The following FGD4 variants were observed in gnomAD, a reference collection of about 807,000 sequenced individuals.
The protein encoded by FGD4 is FYVE, RhoGEF and PH domain-containing protein 4.
Under a neutral mutation model 102.0 loss-of-function variants are expected in FGD4, and 42 were observed. That is an observed-to-expected ratio of 0.41 (90% CI 0.32 to 0.53). FGD4 has a LOEUF of 0.53. Ranked by LOEUF, FGD4 falls within the 20% of genes least tolerant of loss-of-function variation. FGD4 has a pLI of 0.21. For synonymous variants in FGD4, 380 were observed against 375.7 expected, an observed-to-expected ratio of 1.01 and a Z score of -0.13; for missense variants, 902 against 1,078.2, an observed-to-expected ratio of 0.84 and a Z score of 2.29.
At position 32,641,552 on chromosome 12, in the gene FGD4, A is replaced by G. The variant is rs1327707382; in HGVS notation, c.*1019A>G. On this transcript the variant is annotated 3_prime_UTR_variant, in exon 17 of 17. Coordinates refer to ENST00000534526, the MANE Select transcript of FGD4 (RefSeq NM_001370298.3). Reference sequence around the variant, plus strand: ...AGGTTATTTTACCGTTTACAATCCTATAATTATTGCAGTAGTTAACATCAG... The same window carrying G: ...AGGTTATTTTACCGTTTACAATCCTGTAATTATTGCAGTAGTTAACATCAG... 4 of 152,184 alleles carry G rather than the reference A, an allele frequency of 2.6e-5. No individual in the cohort carries two copies. Among genetic ancestry groups the G allele is most frequent in the Non-Finnish European group, 5.9e-5 (4 of 68,014 alleles). 9.4% of individuals were successfully genotyped at this position (152,184 alleles called of 1,614,324 possible). A position where few individuals can be genotyped will look rare whatever the true frequency, so the allele number is the denominator to read the frequency against.
chr12:32,585,616 C>G (rs1946961906), intron 4 of FGD4, among the ~76,000 whole-genome samples: 1 of 151,894 alleles, frequency 6.6e-6, no homozygotes, highest in African/African-American at 2.4e-5. Flanking sequence ...CAGAGGATCT[C>G]TCGAGTCCAG....
chr12:32,555,446 G>A (rs564760647), intron 1 of FGD4, among the ~76,000 whole-genome samples: 26 of 152,176 alleles, frequency 1.7e-4, no homozygotes, highest in South Asian at 6.2e-4. Context: ...GAGGTCTGCA[G>A]TAGAGATTTA....
At chr12:32,400,132 C>T (rs906018180) in intron 1 of FGD4, among the ~76,000 whole-genome samples, 173 bp downstream of exon 1, 31 of 152,206 alleles carry the variant, frequency 2.0e-4, no homozygotes, top group African/African-American at 7.5e-4. Context: ...CTATGCTGTC[C>T]CTTCCCCCAG....
At chr12:32,578,139 G>T (rs1436845927) in intron 3 of FGD4, among the ~76,000 whole-genome samples, 1 of 152,080 alleles carries the variant, frequency 6.6e-6, no homozygotes, top group Non-Finnish European at 1.5e-5. Context: ...TATAATTTAT[G>T]ATTTTTTTTT....
chr12:32,514,572 C>T (rs1053002516), intron 1 of FGD4, among the ~76,000 whole-genome samples: 17 of 152,100 alleles, frequency 1.1e-4, no homozygotes, highest in Non-Finnish European at 2.4e-4. Flanking sequence ...AGTGCGGTGG[C>T]GTGATTGTGG....
chr12:32,422,460 G>A (rs1443249216), intron 1 of FGD4, among the ~76,000 whole-genome samples: 1 of 150,774 alleles, frequency 6.6e-6, no homozygotes, highest in Non-Finnish European at 1.5e-5. Context: ...CACCATGCCT[G>A]GCTAATTTTT....
At chr12:32,567,900 C>T (rs1330430748) in intron 2 of FGD4, among the ~76,000 whole-genome samples, 2 of 152,094 alleles carry the variant, frequency 1.3e-5, no homozygotes, top group Non-Finnish European at 2.9e-5. Context: ...GTTGGCAAGG[C>T]TGGTCTCAAA....
chr12:32,440,852 C>G (rs1250859271), intron 1 of FGD4, among the ~76,000 whole-genome samples: 1 of 152,218 alleles, frequency 6.6e-6, no homozygotes, highest in Admixed American at 6.5e-5. Context: ...AGCTGGCACT[C>G]AAACCACCAG....
intron 1 of FGD4, among the ~76,000 whole-genome samples, chr12:32,542,147 A>C (rs1254971502): frequency 1.8e-5 from 2 of 113,686 alleles, no homozygotes; most frequent in Non-Finnish European, 3.5e-5. Context: ...GCCGTGAAGC[A>C]AAATACAGGT....
At chr12:32,574,331 G>GTT (rs59873254) in intron 2 of FGD4, among the ~76,000 whole-genome samples, 20 of 127,532 alleles carry the variant, frequency 1.6e-4, no homozygotes, top group South Asian at 1.3e-3. Context: ...AACCTTAAGT[G>GTT]TTTTTTTTTT....
chr12:32,404,561 C>T (rs1360944230), intron 1 of FGD4, among the ~76,000 whole-genome samples: 1 of 152,102 alleles, frequency 6.6e-6, no homozygotes, highest in Non-Finnish European at 1.5e-5. Flanking sequence ...ATTTCAGAGG[C>T]AGGATTCAGA....
intron 1 of FGD4, among the ~76,000 whole-genome samples, chr12:32,487,319 G>A (rs1262112438): frequency 6.6e-6 from 1 of 151,998 alleles, no homozygotes; most frequent in Non-Finnish European, 1.5e-5. Context: ...AATGTGTTGG[G>A]CATATCTTTG....
intron 1 of FGD4, among the ~76,000 whole-genome samples, chr12:32,563,015 C>T (rs1296681251): frequency 1.4e-4 from 21 of 151,334 alleles, no homozygotes; most frequent in Admixed American, 7.2e-4. Context: ...CCTCACCTCC[C>T]GGACGGGGCG....
At chr12:32,599,179 A>G (rs1368148341) in intron 5 of FGD4, among the ~76,000 whole-genome samples, 1 of 152,160 alleles carries the variant, frequency 6.6e-6, no homozygotes, top group African/African-American at 2.4e-5. Context: ...ATACACTTGG[A>G]AAGTCTAAGA....
rs994119513 is a variant in FGD4, at chr12:32,641,297, A to G, written c.*764A>G. On this transcript the variant is annotated 3_prime_UTR_variant, in exon 17 of 17. Transcript: ENST00000534526. ...GGTGATTTATGTTTTGCTGATTGGC[A>G]TTTGAGGGTATTGATATTTTTATAA... 3.9e-5 allele frequency: 6 copies of G among 152,140 alleles called. No homozygotes were observed. Among genetic ancestry groups the G allele is most frequent in the African/African-American group, 1.4e-4 (6 of 41,434 alleles). The allele number at this position is 152,140 out of a possible 1,614,324, so 9.4% of individuals were successfully genotyped here. A position where few individuals can be genotyped will look rare whatever the true frequency, so the allele number is the denominator to read the frequency against.
chr12:32,529,139 G>C (rs565587062), intron 1 of FGD4, among the ~76,000 whole-genome samples: 5 of 151,594 alleles, frequency 3.3e-5, no homozygotes, highest in Admixed American at 1.3e-4. Context: ...TTTTTGAGAC[G>C]CAGTCTCACT....
intron 1 of FGD4, among the ~76,000 whole-genome samples, chr12:32,430,280 C>G (rs966076980): frequency 9.2e-5 from 14 of 151,730 alleles, no homozygotes; most frequent in Non-Finnish European, 1.9e-4. Context: ...TGTGCTCCAG[C>G]CTTGGTGATA....
intron 1 of FGD4, among the ~76,000 whole-genome samples, chr12:32,461,781 C>T (rs1464544582): frequency 6.6e-6 from 1 of 152,162 alleles, no homozygotes; most frequent in African/African-American, 2.4e-5. Flanking sequence ...GGCTGGAGTG[C>T]AGTGCCGCGA....
chr12:32,599,290 C>CG (rs1166188347), intron 5 of FGD4, among the ~76,000 whole-genome samples: 1 of 149,562 alleles, frequency 6.7e-6, no homozygotes, highest in Non-Finnish European at 1.5e-5. Context: ...GTCAGGAGAT[C>CG]GAGACCATCC....
Sources: allele counts gnomAD v4.1 joint callset (sites outside exome capture counted in the v4.1 genomes callset), GRCh38; gene constraint gnomAD v4.1.1; transcripts MANE v1.5; gene names NCBI Gene and HGNC (gene_info 2026-07-23, HGNC 2026-07-21).